FGR: variants seen among roughly 807,000 people sequenced by gnomAD.
FGR encodes tyrosine-protein kinase Fgr.
Under a neutral mutation model 63.2 loss-of-function variants are expected in FGR, and 26 were observed. The ratio of observed to expected loss-of-function variants is 0.41; its 90% confidence interval spans 0.30 to 0.57. The LOEUF is 0.57. FGR is among the 20% of genes least tolerant of loss of function. FGR has a pLI of 0.27. For missense variants in FGR, 511 were observed against 690.8 expected, an observed-to-expected ratio of 0.74 and a Z score of 2.92; for synonymous variants, 286 against 277.7, an observed-to-expected ratio of 1.03 and a Z score of -0.30.
At chr1:27,629,817 GCA>G (rs1300319490) in intron 1 of FGR, among the ~76,000 whole-genome samples, 2 of 152,166 alleles carry the variant, frequency 1.3e-5, no homozygotes, top group African/African-American at 4.8e-5. Context: ...AGAAACTGAG[GCA>G]CAGAGATGTT....
chr1:27,634,671 C>T (rs960451579), intron 1 of FGR, among the ~76,000 whole-genome samples: 3 of 151,994 alleles, frequency 2.0e-5, no homozygotes, highest in Non-Finnish European at 4.4e-5. Context: ...TCGGCTTCTC[C>T]CCAAAGTCCC....
Position 27,616,802 on chromosome 1 carries a change from C to A in FGR, c.682+55G>T. On this transcript the variant is annotated intron_variant, in intron 7 of 12. Transcript: ENST00000374005. The surrounding 1 kb of genome is among the most constrained non-coding windows in gnomAD (Gnocchi z 4.3). ...TCCCTTCTCTGGGCCTCAGTTCCCC[C>A]ATCTGGACAATGCTTCAGTTGGTTG... is the stretch of plus-strand genomic sequence containing the variant. 1.3e-6 allele frequency: 2 copies of A among 1,587,852 alleles called. No individual in the cohort carries two copies. Among genetic ancestry groups the A allele is most frequent in the Non-Finnish European group, 8.6e-7 (1 of 1,156,796 alleles).
Position 27,621,654 on chromosome 1 carries a change from T to C in FGR, c.333A>G (p.Glu111=), listed in dbSNP as rs1298028023. The part of the protein sequence containing the change: ...GEKFHILNNT[E]GDWWEARSLS... ...GAGACCGAGCCTCCCACCAGTCACC[T>C]TCACTGTAGGCACAGAACAGGGCAT... The change falls in exon 5 of 13, where the codon GAA becomes GAG. Residue 111 remains glutamate (E), a synonymous_variant. Transcript: ENST00000374005. 6.2e-7 allele frequency: 1 copy of C among 1,613,112 alleles called. No homozygotes were observed. Among genetic ancestry groups the C allele is most frequent in the African/African-American group, 1.3e-5 (1 of 74,878 alleles).
Position 27,612,079 on chromosome 1 carries a change from A to C in FGR, c.*835T>G, listed in dbSNP as rs1303975486. 1 of 152,222 alleles carries C rather than the reference A, an allele frequency of 6.6e-6. No individual in the cohort carries two copies. Among genetic ancestry groups the C allele is most frequent in the East Asian group, 1.9e-4 (1 of 5,196 alleles). 9.4% of individuals were successfully genotyped at this position (152,222 alleles called of 1,614,324 possible). ...GAAGGCCATATCAGCAACGAAGGGG[A>C]CATTTTAATGTATCTTCAGCTGCTT... On this transcript the variant is annotated 3_prime_UTR_variant, in exon 13 of 13. Coordinates refer to ENST00000374005, the MANE Select transcript of FGR (RefSeq NM_005248.3).
At chr1:27,614,767 T>C (rs1409511294) in intron 10 of FGR, 83 bp downstream of exon 10, 2 of 1,412,814 alleles carry the variant, frequency 1.4e-6, no homozygotes, top group Non-Finnish European at 2.0e-6. Flanking sequence ...GGGGCCGCCC[T>C]CCCAGGCGTT....
chr1:27,615,494 G>T lies in FGR; in HGVS notation c.958C>A (p.Gln320Lys). ...MKLLRHDKLVQLYAVVSEEPI... is the reference protein window; with the variant it reads ...MKLLRHDKLVKLYAVVSEEPI... ...TCCTCCGACACCACGGCGTACAGCT[G>T]CACCAGCTTGTCGTGCCGCAGCAGC... The change falls in exon 9 of 13, where the codon CAG becomes AAG. Residue 320 changes from glutamine (Q) to lysine (K), a missense_variant. By Grantham distance (53) the Gln-to-Lys change is moderately conservative. Coordinates refer to ENST00000374005, the MANE Select transcript of FGR (RefSeq NM_005248.3). The surrounding 1 kb of genome is among the most constrained non-coding windows in gnomAD (Gnocchi z 7.6). The T allele has an allele frequency of 6.2e-7, 1 of 1,613,502 alleles. No homozygotes were observed. The highest frequency in any genetic ancestry group is 8.5e-7 in the Non-Finnish European group (1 of 1,179,466).
intron 11 of FGR, among the ~76,000 whole-genome samples, chr1:27,613,843 T>C (rs990699538): frequency 2.6e-5 from 4 of 152,148 alleles, no homozygotes; most frequent in Admixed American, 2.0e-4. Flanking sequence ...AGTATAGTGA[T>C]GGGCACTTTC....
At chr1:27,634,409 C>G in intron 1 of FGR, among the ~76,000 whole-genome samples, 1 of 152,168 alleles carries the variant, frequency 6.6e-6, no homozygotes, top group South Asian at 2.1e-4. Context: ...CCCTGCAGCC[C>G]GGAACCTACC....
In FGR at chr1:27,615,335, G is replaced by T; in HGVS notation, c.1018+99C>A. On this transcript the variant is annotated intron_variant, in intron 9 of 12. Coordinates refer to ENST00000374005, the MANE Select transcript of FGR (RefSeq NM_005248.3). The surrounding 1 kb of genome is among the most constrained non-coding windows in gnomAD (Gnocchi z 7.6). ...GTCCCTTAGTGGGACTCTGCCCATTGTCCCTTGTCCCTCACAGATCGCGTC... is the reference window on the plus strand; with the variant it reads ...GTCCCTTAGTGGGACTCTGCCCATTTTCCCTTGTCCCTCACAGATCGCGTC... The T allele has an allele frequency of 2.2e-6, 3 of 1,343,404 alleles. No individual in the cohort carries two copies. The highest frequency in any genetic ancestry group is 3.1e-6 in the Non-Finnish European group (3 of 971,072). The allele number at this position is 1,343,404 out of a possible 1,614,324, so 83.2% of individuals were successfully genotyped here.
At position 27,624,069 on chromosome 1, in the gene FGR, G is replaced by T. The variant is rs2089978429; in HGVS notation, c.-13-140C>A. The T allele has an allele frequency of 6.0e-6, 4 of 662,742 alleles. No individual in the cohort carries two copies. In the South Asian group the frequency reaches 6.1e-5, roughly 10 times the overall value. 41.1% of individuals were successfully genotyped at this position (662,742 alleles called of 1,614,324 possible). On this transcript the variant is annotated intron_variant, in intron 2 of 12. Transcript: ENST00000374005. ...CCTAGATTGGGGTCCTCCCTGTAAGGGATAAAGGCGGAACTGGGCCACCTA... is the reference window on the plus strand; with the variant it reads ...CCTAGATTGGGGTCCTCCCTGTAAGTGATAAAGGCGGAACTGGGCCACCTA...
chr1:27,629,094 T>A (rs1220998541), intron 1 of FGR, among the ~76,000 whole-genome samples: 1 of 149,588 alleles, frequency 6.7e-6, no homozygotes, highest in Non-Finnish European at 1.5e-5. Flanking sequence ...GAGGCAGAGT[T>A]TGAGAGATAC....
At position 27,623,156 on chromosome 1, in the gene FGR, G is replaced by A. The variant is rs751816446; in HGVS notation, c.227-12C>T. 2 of 1,598,334 alleles carry A rather than the reference G, an allele frequency of 1.3e-6. No individual in the cohort carries two copies. The highest frequency in any genetic ancestry group is 1.7e-6 in the Non-Finnish European group (2 of 1,165,682). On this transcript the variant is annotated splice_polypyrimidine_tract_variant and intron_variant, in intron 3 of 12. Coordinates refer to ENST00000374005, the MANE Select transcript of FGR (RefSeq NM_005248.3). ...GGTCACCCCAATCCCTGCAGAGTCAGGGCTACTCAGCAGGGTAGGGCATGG... is the reference window on the plus strand; with the variant it reads ...GGTCACCCCAATCCCTGCAGAGTCAAGGCTACTCAGCAGGGTAGGGCATGG...
In FGR at chr1:27,616,932, G is replaced by A. The variant is rs527542930; in HGVS notation, c.607C>T (p.Leu203=). 2.5e-6 allele frequency: 4 copies of A among 1,614,214 alleles called. No individual in the cohort carries two copies. The African/African-American group carries it at 4.0e-5, about 16-fold the overall frequency. The change falls in exon 7 of 13, where the codon CTG becomes TTG. Residue 203 remains leucine (L), a synonymous_variant. Coordinates refer to ENST00000374005, the MANE Select transcript of FGR (RefSeq NM_005248.3). The surrounding 1 kb of genome is among the most constrained non-coding windows in gnomAD (Gnocchi z 4.3). The stretch of plus-strand genomic sequence containing the variant: ...GTGATGTAGTAGCCGCCCATGTCCA[G>A]TTTGCGGATCTTGTAATGCTTCACA... ...DHVKHYKIRK[L]DMGGYYITTR...
intron 1 of FGR, among the ~76,000 whole-genome samples, chr1:27,626,861 G>C (rs1215093792): frequency 2.0e-5 from 3 of 152,026 alleles, no homozygotes; most frequent in African/African-American, 7.3e-5. Context: ...AAGAGAGATG[G>C]GGCTGATACA....
intron 4 of FGR, among the ~76,000 whole-genome samples, chr1:27,621,899 C>T (rs2089935672): frequency 6.6e-6 from 1 of 152,110 alleles, no homozygotes; most frequent in African/African-American, 2.4e-5. Flanking sequence ...CTTGGGCTCC[C>T]CAGCTGGGTT....
Position 27,612,878 on chromosome 1 carries a change from G to A in FGR, c.*36C>T. 1 of 1,586,094 alleles carries A rather than the reference G, an allele frequency of 6.3e-7. No homozygotes were observed. The highest frequency in any genetic ancestry group is 8.6e-7 in the Non-Finnish European group (1 of 1,160,660). ...CAGCTCTGGGGATTGGCAAGGACTGGTGGCCACCGCCAGAGAGGGTTGATG... is the reference window on the plus strand; with the variant it reads ...CAGCTCTGGGGATTGGCAAGGACTGATGGCCACCGCCAGAGAGGGTTGATG... On this transcript the variant is annotated 3_prime_UTR_variant, in exon 13 of 13. Coordinates refer to ENST00000374005, the MANE Select transcript of FGR (RefSeq NM_005248.3).
In FGR at chr1:27,623,484, G is replaced by A. The variant is rs1478756103; in HGVS notation, c.226+207C>T. 6.2e-6 allele frequency: 4 copies of A among 640,506 alleles called. No homozygotes were observed. The Admixed American group carries it at 9.8e-5, about 16-fold the overall frequency. The allele number at this position is 640,506 out of a possible 1,614,324, so 39.7% of individuals were successfully genotyped here. A position where few individuals can be genotyped will look rare whatever the true frequency, so the allele number is the denominator to read the frequency against. On this transcript the variant is annotated intron_variant, in intron 3 of 12. Coordinates refer to ENST00000374005, the MANE Select transcript of FGR (RefSeq NM_005248.3). The stretch of plus-strand genomic sequence containing the variant: ...CACAGGATCCTGCCCCTCTCAGACT[G>A]GGAGTAGAGCTTCTTGACCCTCCCC...
chr1:27,612,333 A>G lies in FGR; in HGVS notation c.*581T>C, dbSNP rs1198079470. ...ATATTGTCATTTTACTTATTTACAGAATCAATAAACCAACACATACACACT... is the reference window on the plus strand; with the variant it reads ...ATATTGTCATTTTACTTATTTACAGGATCAATAAACCAACACATACACACT... On this transcript the variant is annotated 3_prime_UTR_variant, in exon 13 of 13. Coordinates refer to ENST00000374005, the MANE Select transcript of FGR (RefSeq NM_005248.3). 2 of 152,606 alleles carry G rather than the reference A, an allele frequency of 1.3e-5. No individual in the cohort carries two copies. Among genetic ancestry groups the G allele is most frequent in the African/African-American group, 4.8e-5 (2 of 41,432 alleles). The allele number at this position is 152,606 out of a possible 1,614,324, so 9.5% of individuals were successfully genotyped here.
In FGR at chr1:27,633,174, A is replaced by G. The variant is rs140022391; in HGVS notation, c.-77+1891T>C. Among the ~76,000 whole-genome samples, 266 of 152,236 alleles carry G rather than the reference A, an allele frequency of 1.7e-3. 1 individual carries two copies. The highest frequency in any genetic ancestry group is 6.8e-3 in the Middle Eastern group (2 of 294). ...CCACACCCTCCTCCCCGGAGGGTACATGAAACTTGGTAGGGATGAGGTAAG... is the reference window on the plus strand; with the variant it reads ...CCACACCCTCCTCCCCGGAGGGTACGTGAAACTTGGTAGGGATGAGGTAAG... On this transcript the variant is annotated intron_variant, in intron 1 of 12. Transcript: ENST00000374005.
Sources: allele counts gnomAD v4.1 joint callset (sites outside exome capture counted in the v4.1 genomes callset), GRCh38; gene constraint gnomAD v4.1.1; non-coding constraint Gnocchi (gnomAD v3.1); transcripts MANE v1.5; gene names NCBI Gene and HGNC (gene_info 2026-07-23, HGNC 2026-07-21).